The following CPXM2 variants were observed in gnomAD, a reference collection of about 807,000 sequenced individuals.
The protein encoded by CPXM2 is inactive carboxypeptidase-like protein X2.
Under a neutral mutation model 86.1 loss-of-function variants are expected in CPXM2, and 66 were observed. The observed-to-expected ratio is 0.77, with a 90% CI of 0.63 to 0.94. The LOEUF (loss-of-function observed/expected upper bound fraction) is 0.94, where lower values mean the gene tolerates loss of function less well. Among genes scored for constraint, CPXM2 ranks in the 40% least tolerant of loss-of-function variants. The pLI is 0.00. For missense variants in CPXM2, 948 were observed against 1,026.3 expected (o/e 0.92, Z 1.04); for synonymous variants, 388 against 400.2 (o/e 0.97, Z 0.36).
chr10:123,757,444 C>T, intron 11 of CPXM2, 92 bp from the exon 12 acceptor site: 1 of 1,090,144 alleles, frequency 9.2e-7, no homozygotes, highest in East Asian at 2.4e-5. Context: ...TGTTTAAGAA[C>T]ATTCGGAAGG....
intron 2 of CPXM2, chr10:123,914,067 C>T (rs1232580838): frequency 4.1e-6 from 2 of 487,470 alleles, no homozygotes; most frequent in Admixed American, 4.2e-5. Context: ...GTGGCTTGAC[C>T]TCTTTGGCAT....
chr10:123,805,852 T>C (rs1292186100), intron 4 of CPXM2, among the ~76,000 whole-genome samples: 1 of 152,214 alleles, frequency 6.6e-6, no homozygotes, highest in Non-Finnish European at 1.5e-5. Flanking sequence ...GATTACAATA[T>C]GCATCCTTGA....
At chr10:123,912,346 C>G (rs1189878803) in intron 2 of CPXM2, among the ~76,000 whole-genome samples, 1 of 148,352 alleles carries the variant, frequency 6.7e-6, no homozygotes, top group Admixed American at 6.7e-5. Context: ...CTGCTCATAC[C>G]TAAGTAGCTA....
intron 3 of CPXM2, among the ~76,000 whole-genome samples, chr10:123,858,516 A>T (rs1372578837): frequency 6.6e-6 from 1 of 152,226 alleles, no homozygotes; most frequent in Non-Finnish European, 1.5e-5. Context: ...CATCATTAGG[A>T]GCAACAACTC....
intron 6 of CPXM2, among the ~76,000 whole-genome samples, chr10:123,781,042 C>T (rs1024595636): frequency 1.3e-5 from 2 of 152,162 alleles, no homozygotes; most frequent in African/African-American, 4.8e-5. Flanking sequence ...GTGGATGACC[C>T]AGAGCAGAAG....
At chr10:123,892,550 G>A (rs1256530889), upstream of CPXM2, among the ~76,000 whole-genome samples, 2 of 152,188 alleles carry the variant, frequency 1.3e-5, no homozygotes, top group Admixed American at 6.5e-5. Flanking sequence ...CTCTCCAGGC[G>A]GGGATGTGGG....
chr10:123,746,625 C>A lies in CPXM2; in HGVS notation c.*139G>T, dbSNP rs987544216. 1.6e-5 allele frequency: 13 copies of A among 799,086 alleles called. No individual in the cohort carries two copies. The East Asian group carries it at 1.7e-4, about 11-fold the overall frequency. 49.5% of individuals were successfully genotyped at this position (799,086 alleles called of 1,614,324 possible). ...CAGCCTCCAGCCTTCCCTTTTGGGACCTGCCTCACAATGCACCCTCTCTTC... is the reference window on the plus strand; with the variant it reads ...CAGCCTCCAGCCTTCCCTTTTGGGAACTGCCTCACAATGCACCCTCTCTTC... On this transcript the variant is annotated 3_prime_UTR_variant, in exon 14 of 14. Transcript: ENST00000241305.
At chr10:123,832,957 G>C (rs1043522725) in intron 4 of CPXM2, among the ~76,000 whole-genome samples, 1 of 152,158 alleles carries the variant, frequency 6.6e-6, no homozygotes, top group African/African-American at 2.4e-5. Context: ...ATGGGAGGAG[G>C]ACACAGAGTT....
At chr10:123,768,951 CAG>C (rs1293721415) in intron 8 of CPXM2, among the ~76,000 whole-genome samples, 3 of 152,142 alleles carry the variant, frequency 2.0e-5, no homozygotes, top group Non-Finnish European at 4.4e-5. Context: ...ACACCTGTCA[CAG>C]GGGAATAATG....
In CPXM2 at chr10:123,799,115, C is replaced by T. The variant is rs775266168; in HGVS notation, c.738G>A (p.Met246Ile). The change falls in exon 5 of 14, where the codon ATG (methionine) becomes ATA (isoleucine). Residue 246 changes from methionine to isoleucine, a missense_variant and splice_region_variant. By Grantham distance (10) the Met-to-Ile change is conservative. Coordinates refer to ENST00000241305, the MANE Select transcript of CPXM2 (RefSeq NM_198148.3). ...WVTVKNGSGDMIFEGNSEKEI... is the reference protein window; with the variant it reads ...WVTVKNGSGDIIFEGNSEKEI... ...TGGTTAAATGGAGGATGAGACTCAC[C>T]ATGTCTCCAGATCCATTCTTAACAG... The T allele has an allele frequency of 5.6e-6, 9 of 1,613,914 alleles. No homozygotes were observed. The highest frequency in any genetic ancestry group is 1.7e-5 in the Admixed American group (1 of 60,014).
intron 2 of CPXM2, among the ~76,000 whole-genome samples, chr10:123,877,139 T>C (rs1945001334): frequency 6.6e-6 from 1 of 152,100 alleles, no homozygotes; most frequent in Non-Finnish European, 1.5e-5. Context: ...ATGGGTAAAA[T>C]TATAGTGGGA....
Position 123,842,364 on chromosome 10 carries a change from C to T in CPXM2, c.638G>A (p.Arg213Lys), listed in dbSNP as rs1442007126. 6.2e-7 allele frequency: 1 copy of T among 1,614,252 alleles called. No homozygotes were observed. Among genetic ancestry groups the T allele is most frequent in the Non-Finnish European group, 8.5e-7 (1 of 1,180,050 alleles). Reference sequence around the variant, plus strand: ...GTACACTCACAGCCAGAGGGAGTTCCTCCCTTGAGTGATGACACCAGTGAA... The same window carrying T: ...GTACACTCACAGCCAGAGGGAGTTCTTCCCTTGAGTGATGACACCAGTGAA... ...TRFTGVITQG[R>K]NSLWLSDWVT... Residue 213 changes from arginine (R) to lysine (K), a missense_variant, in exon 4 of 14, where the codon AGG becomes AAG. Arg to Lys is a conservative substitution (Grantham distance 26, BLOSUM62 2). Coordinates refer to ENST00000241305, the MANE Select transcript of CPXM2 (RefSeq NM_198148.3).
At chr10:123,872,953 G>C (rs1437233778) in intron 2 of CPXM2, among the ~76,000 whole-genome samples, 1 of 151,994 alleles carries the variant, frequency 6.6e-6, no homozygotes, top group South Asian at 2.1e-4. Flanking sequence ...TGAAGAAAAG[G>C]ATAAGCAGAA....
intron 11 of CPXM2, among the ~76,000 whole-genome samples, chr10:123,760,452 A>G (rs1451521120): frequency 6.6e-6 from 1 of 152,136 alleles, no homozygotes; most frequent in Non-Finnish European, 1.5e-5. Flanking sequence ...AAAGGGAAAA[A>G]CTTCAAGCTT....
intron 2 of CPXM2, among the ~76,000 whole-genome samples, chr10:123,928,868 C>A (rs2134284892): frequency 1.3e-5 from 2 of 151,152 alleles, no homozygotes; most frequent in South Asian, 4.1e-4. Flanking sequence ...TTCACAAAAT[C>A]CATGGCCGTT....
chr10:123,917,430 G>C (rs549476134), intron 2 of CPXM2, among the ~76,000 whole-genome samples: 2 of 152,236 alleles, frequency 1.3e-5, no homozygotes, highest in Non-Finnish European at 2.9e-5. Context: ...GTTGGAGAGA[G>C]CCTGCGGACA....
At chr10:123,813,987 C>T (rs1847751211) in intron 4 of CPXM2, among the ~76,000 whole-genome samples, 1 of 152,148 alleles carries the variant, frequency 6.6e-6, no homozygotes, top group African/African-American at 2.4e-5. Context: ...ATCACAGTAC[C>T]TTGATAATGT....
At chr10:123,890,104 T>A (rs1333364050) in intron 1 of CPXM2, among the ~76,000 whole-genome samples, 1 of 152,176 alleles carries the variant, frequency 6.6e-6, no homozygotes, top group Non-Finnish European at 1.5e-5. Context: ...GAAATGAAAC[T>A]GGCACATAAA....
chr10:123,762,236 A>T, intron 10 of CPXM2, 67 bp from the exon 11 acceptor site: 1 of 1,600,638 alleles, frequency 6.2e-7, no homozygotes, highest in Non-Finnish European at 8.6e-7. Flanking sequence ...GCTGTCAAAC[A>T]GGGACATAGT....
Sources: gnomAD v4.1 joint callset for allele counts (sites outside exome capture counted in the v4.1 genomes callset) on GRCh38, gnomAD v4.1.1 for gene constraint, MANE v1.5 for transcripts, NCBI Gene and HGNC (gene_info 2026-07-23, HGNC 2026-07-21) for gene names.